Variants in F13A1 observed in about 807,000 individuals in gnomAD.
The protein encoded by F13A1 is FSF, A subunit.
In F13A1, 47 loss-of-function variants were observed where a neutral mutation model predicts 80.1. The observed-to-expected ratio is 0.59, with a 90% confidence interval of 0.46 to 0.75. F13A1 has a LOEUF of 0.75. Ranked by LOEUF, F13A1 falls within the 30% of genes least tolerant of loss-of-function variation. The pLI is 0.00. For synonymous variants in F13A1, 349 were observed against 344.9 expected, an observed-to-expected ratio of 1.01 and a Z score of -0.13; for missense variants, 817 against 930.4, an observed-to-expected ratio of 0.88 and a Z score of 1.59.
At chr6:6,213,305 A>G (rs1209932601) in intron 8 of F13A1, among the ~76,000 whole-genome samples, 14 of 152,108 alleles carry the variant, frequency 9.2e-5, no homozygotes, top group African/African-American at 3.4e-4. Flanking sequence ...CTCAAAGGGA[A>G]GCCCATCAGA....
chr6:6,259,164 A>C (rs1333207215), intron 4 of F13A1, among the ~76,000 whole-genome samples: 3 of 152,230 alleles, frequency 2.0e-5, no homozygotes, highest in African/African-American at 7.2e-5. Flanking sequence ...GATGCGACAT[A>C]CTATCAATAT....
intron 3 of F13A1, among the ~76,000 whole-genome samples, chr6:6,294,851 G>A (rs1440343043): frequency 7.6e-4 from 114 of 149,516 alleles, no homozygotes; most frequent in African/African-American, 2.6e-3. Context: ...CCACTAACTC[G>A]TCATCCAGCA....
intron 13 of F13A1, among the ~76,000 whole-genome samples, chr6:6,158,620 G>T (rs1760518872): frequency 6.6e-6 from 1 of 152,138 alleles, no homozygotes; most frequent in South Asian, 2.1e-4. Context: ...GAAGGGTGTG[G>T]GTGTGGGCAG....
At chr6:6,279,039 C>T (rs1758026182) in intron 3 of F13A1, among the ~76,000 whole-genome samples, 1 of 152,062 alleles carries the variant, frequency 6.6e-6, no homozygotes, top group Non-Finnish European at 1.5e-5. Context: ...TGTTTATATC[C>T]CTGGGAAAGG....
Position 6,144,186 on chromosome 6 carries a change from AAAATTGGATATTGGGAGACTTGGC to A in F13A1, c.*1409_*1432del, listed in dbSNP as rs1385160913. The A allele has an allele frequency of 6.6e-6, 1 of 152,234 alleles. No individual in the cohort carries two copies. The highest frequency in any genetic ancestry group is 2.4e-5 in the African/African-American group (1 of 41,458). The allele number at this position is 152,234 out of a possible 1,614,324, so 9.4% of individuals were successfully genotyped here. A position where few individuals can be genotyped will look rare whatever the true frequency, so the allele number is the denominator to read the frequency against. On this transcript the variant is annotated 3_prime_UTR_variant, in exon 15 of 15. Transcript: ENST00000264870. ...TGTCTAGCAAAATGCATTTCATTTT[AAAATTGGATATTGGGAGACTTGGC>A]AAATGCTGTGAGATTACTTAGTAAA...
At chr6:6,164,484 A>G (rs562626227) in intron 13 of F13A1, among the ~76,000 whole-genome samples, 1 of 152,210 alleles carries the variant, frequency 6.6e-6, no homozygotes, top group South Asian at 2.1e-4. Context: ...CCTCAAATCT[A>G]AAATAAAAAT....
At chr6:6,206,529 C>T in intron 8 of F13A1, 1 of 485,882 alleles carries the variant, frequency 2.1e-6, no homozygotes, top group Non-Finnish European at 4.3e-6. Flanking sequence ...GGTTTACTCT[C>T]AAGTGAGACT....
At chr6:6,303,273 C>T (rs1229176526) in intron 3 of F13A1, among the ~76,000 whole-genome samples, 1 of 152,082 alleles carries the variant, frequency 6.6e-6, no homozygotes, top group Non-Finnish European at 1.5e-5. Context: ...TTCAAATGAA[C>T]TTTAAGATTA....
At chr6:6,164,877 C>G (rs1383315588) in intron 13 of F13A1, among the ~76,000 whole-genome samples, 1 of 151,378 alleles carries the variant, frequency 6.6e-6, no homozygotes, top group Non-Finnish European at 1.5e-5. Context: ...TATGACTCTG[C>G]ATTTCACCTC....
chr6:6,186,840 T>G (rs1302506742), intron 10 of F13A1, among the ~76,000 whole-genome samples: 2 of 150,698 alleles, frequency 1.3e-5, no homozygotes, highest in African/African-American at 4.9e-5. Flanking sequence ...ACGATATTGA[T>G]TCTTCCTACC....
intron 4 of F13A1, among the ~76,000 whole-genome samples, chr6:6,254,710 T>C (rs546200332): frequency 6.9e-4 from 105 of 152,328 alleles, no homozygotes; most frequent in Non-Finnish European, 1.1e-3. Flanking sequence ...TAAATGTACA[T>C]GTGTGTTTAT....
rs137985539 is a variant in F13A1 at position 6,223,335 on chromosome 6, G to A, written c.974-1164C>T. Among the ~76,000 whole-genome samples, 316 of 152,278 alleles carry A rather than the reference G, an allele frequency of 2.1e-3. 3 individuals are homozygous for A. The highest frequency in any genetic ancestry group is 7.2e-3 in the African/African-American group (298 of 41,546). ...TCACTATTTTATCTTGTTGTGAGCC[G>A]GAAGGAATTACACTGGGATAGTGAA... On this transcript the variant is annotated intron_variant, in intron 7 of 14. Coordinates refer to ENST00000264870, the MANE Select transcript of F13A1 (RefSeq NM_000129.4).
intron 2 of F13A1, among the ~76,000 whole-genome samples, chr6:6,313,925 C>T (rs1477227729): frequency 1.3e-5 from 2 of 151,742 alleles, no homozygotes; most frequent in African/African-American, 2.4e-5. Flanking sequence ...TATTCCTCTT[C>T]TAGCCTGGAG....
At position 6,305,379 on chromosome 6, in the gene F13A1, C is replaced by T. The variant is rs368614035; in HGVS notation, c.291G>A (p.Arg97=). Residue 97 remains arginine (R), a synonymous_variant, in exon 3 of 15, where the codon AGG becomes AGA. Transcript: ENST00000264870. ...IDFSRPYDPR[R]DLFRVEYVIG... ...TGACGTATTCCACCCTGAAGAGATC[C>T]CTTCTGGGGTCATATGGACGACTGA... The T allele has an allele frequency of 1.5e-4, 243 of 1,614,186 alleles. No individual in the cohort carries two copies. Among genetic ancestry groups the T allele is most frequent in the Non-Finnish European group, 1.9e-4 (228 of 1,180,032 alleles).
intron 8 of F13A1, among the ~76,000 whole-genome samples, chr6:6,199,494 G>GAAA (rs58442527): frequency 1.5e-4 from 21 of 138,926 alleles, no homozygotes; most frequent in Admixed American, 7.3e-5. Context: ...CTCCATCTCA[G>GAAA]AAAAAAAAAA....
At chr6:6,196,350 C>T (rs1371024753) in intron 9 of F13A1, among the ~76,000 whole-genome samples, 1 of 152,172 alleles carries the variant, frequency 6.6e-6, no homozygotes, top group African/African-American at 2.4e-5. Flanking sequence ...GCCATGCCCA[C>T]CATGCATTTA....
rs192547586 is a variant in F13A1 at position 6,191,178 on chromosome 6, C to T, written c.1305+4619G>A. Among the ~76,000 whole-genome samples, 142 of 152,272 alleles carry T rather than the reference C, an allele frequency of 9.3e-4. 1 individual carries two copies. The highest frequency in any genetic ancestry group is 2.6e-3 in the African/African-American group (106 of 41,560). On this transcript the variant is annotated intron_variant, in intron 10 of 14. Transcript: ENST00000264870. ...CCTCAGATGGAAATGCAGAAATCAC[C>T]AGTCTTCTGCGTCACTCATGCTGGG...
At chr6:6,219,371 C>T (rs1056307731) in intron 8 of F13A1, among the ~76,000 whole-genome samples, 4 of 151,992 alleles carry the variant, frequency 2.6e-5, no homozygotes, top group Admixed American at 2.0e-4. Flanking sequence ...CTCAGGCAGC[C>T]CCTGCTTCTT....
At chr6:6,226,378 A>G (rs534251015) in intron 6 of F13A1, among the ~76,000 whole-genome samples, 4 of 152,256 alleles carry the variant, frequency 2.6e-5, no homozygotes, top group Non-Finnish European at 5.9e-5. Flanking sequence ...GCATTTTAAC[A>G]AGATCACTGG....
Sources: gnomAD v4.1 joint callset for allele counts (sites outside exome capture counted in the v4.1 genomes callset) on GRCh38, gnomAD v4.1.1 for gene constraint, MANE v1.5 for transcripts, NCBI Gene and HGNC (gene_info 2026-07-23, HGNC 2026-07-21) for gene names.